The following SRSF11 variants were observed in gnomAD, a reference collection of about 807,000 sequenced individuals.
The protein encoded by SRSF11 is serine and arginine rich splicing factor 11.
In SRSF11, 9 loss-of-function variants were observed where a neutral mutation model predicts 56.0. The observed-to-expected ratio is 0.16, with a 90% confidence interval of 0.10 to 0.28. The LOEUF (loss-of-function observed/expected upper bound fraction) is 0.28, where lower values mean the gene tolerates loss of function less well. Ranked by LOEUF, SRSF11 falls within the 10% of genes least tolerant of loss-of-function variation. The pLI is 1.00. For synonymous variants in SRSF11, 222 were observed against 215.3 expected (o/e 1.03, Z -0.27); for missense variants, 421 against 600.7 (o/e 0.70, Z 3.13).
At chr1:70,206,425 C>T (rs1302799987) in intron 1 of SRSF11, among the ~76,000 whole-genome samples, 2 of 151,812 alleles carry the variant, frequency 1.3e-5, no homozygotes, top group Non-Finnish European at 2.9e-5. Flanking sequence ...AAACTAGAAT[C>T]TTGAGCTCTC....
In SRSF11 at chr1:70,211,171, AT is replaced by A. The variant is rs3835561; in HGVS notation, c.-26+5403del. Among the ~76,000 whole-genome samples, 194 of 146,144 alleles carry A rather than the reference AT, an allele frequency of 1.3e-3. 3 individuals carry two copies. The highest frequency in any genetic ancestry group is 3.5e-3 in the Middle Eastern group (1 of 282). Reference sequence around the variant, plus strand: ...TTGTATTAATTGTATGGATTTTATGATTTTTTTTTTTTGGCTTTAAACTAGT... The same window carrying A: ...TTGTATTAATTGTATGGATTTTATGATTTTTTTTTTTGGCTTTAAACTAGT... On this transcript the variant is annotated intron_variant, in intron 1 of 12. Transcript: ENST00000370950.
intron 1 of SRSF11, among the ~76,000 whole-genome samples, chr1:70,223,056 G>A (rs965028812): frequency 2.0e-5 from 3 of 152,104 alleles, no homozygotes; most frequent in African/African-American, 7.2e-5. Context: ...ACAGATACTT[G>A]ATTTGGTAAT....
intron 10 of SRSF11, 115 bp downstream of exon 10, chr1:70,250,162 T>C (rs1677676358): frequency 1.3e-5 from 16 of 1,259,938 alleles, no homozygotes; most frequent in Non-Finnish European, 1.7e-5. Flanking sequence ...TGTTTTAATG[T>C]ATTCTCCTTC....
chr1:70,247,413 T>G (rs1215960862), intron 9 of SRSF11, among the ~76,000 whole-genome samples: 1 of 152,112 alleles, frequency 6.6e-6, no homozygotes, highest in African/African-American at 2.4e-5. Context: ...TTTTCATACT[T>G]AATTTGGGAT....
At chr1:70,218,555 TAG>T (rs1571607946), upstream of SRSF11, 2 of 152,328 alleles carry the variant, frequency 1.3e-5, no homozygotes, top group South Asian at 2.1e-4. Context: ...CAGAAAAATG[TAG>T]AGTCATATAA....
chr1:70,225,501 G>A (rs547583059), intron 1 of SRSF11, among the ~76,000 whole-genome samples: 120 of 152,242 alleles, frequency 7.9e-4, no homozygotes, highest in Non-Finnish European at 1.6e-3. Context: ...TCTCCACTTA[G>A]CACACTATTA....
chr1:70,235,026 G>A (rs1673640954), intron 4 of SRSF11, among the ~76,000 whole-genome samples: 1 of 152,174 alleles, frequency 6.6e-6, no homozygotes, highest in Non-Finnish European at 1.5e-5. Flanking sequence ...TACATTATCA[G>A]TGTGTCATAG....
intron 2 of SRSF11, chr1:70,229,972 C>T (rs1672547335): frequency 1.0e-6 from 1 of 985,126 alleles, no homozygotes; most frequent in Non-Finnish European, 1.2e-6. Context: ...TAGGATAAGA[C>T]CATCAACAGA....
intron 8 of SRSF11, 71 bp from the exon 9 acceptor site, chr1:70,246,747 G>A: frequency 1.1e-6 from 1 of 876,046 alleles, no homozygotes; most frequent in Admixed American, 2.4e-5. Context: ...ATATTTTTGT[G>A]TTTGTAGTGC....
intron 1 of SRSF11, among the ~76,000 whole-genome samples, chr1:70,223,532 T>C (rs2274913): frequency 0.1 from 15,209 of 152,194 alleles, 909 homozygotes; most frequent in East Asian, 0.3. Context: ...ATCTGGGATA[T>C]TCTGCATTAA....
Position 70,250,815 on chromosome 1 carries a change from C to G in SRSF11, c.*10C>G. 6.2e-7 allele frequency: 1 copy of G among 1,611,286 alleles called. No homozygotes were observed. The highest frequency in any genetic ancestry group is 8.5e-7 in the Non-Finnish European group (1 of 1,177,912). On this transcript the variant is annotated 3_prime_UTR_variant, in exon 12 of 12. Coordinates refer to ENST00000370949, the MANE Select transcript of SRSF11 (RefSeq NM_001350605.2). ...GGATATGAGTGACTGAATATTGCCT[C>G]TGAGGGAGTCCAACTGTATACCTGC...
rs2101055018 is a variant in SRSF11 at position 70,252,131 on chromosome 1, A to G, written c.*1326A>G. On this transcript the variant is annotated 3_prime_UTR_variant, in exon 12 of 12. Coordinates refer to ENST00000370949, the MANE Select transcript of SRSF11 (RefSeq NM_001350605.2). ...TCAGTATAGTAAAAAGAGGAAGTCTATCACTGTAGTGATAATTGCCATCAA... is the reference window on the plus strand; with the variant it reads ...TCAGTATAGTAAAAAGAGGAAGTCTGTCACTGTAGTGATAATTGCCATCAA... The G allele has an allele frequency of 6.6e-6, 1 of 152,668 alleles. No homozygotes were observed. Among genetic ancestry groups the G allele is most frequent in the African/African-American group, 2.4e-5 (1 of 41,586 alleles). 9.5% of individuals were successfully genotyped at this position (152,668 alleles called of 1,614,324 possible).
intron 1 of SRSF11, among the ~76,000 whole-genome samples, chr1:70,210,361 T>A (rs550326145): frequency 6.6e-6 from 1 of 152,242 alleles, no homozygotes; most frequent in South Asian, 2.1e-4. Flanking sequence ...CTCCCCATAT[T>A]GCCCAGACTG....
chr1:70,249,810 T>C, intron 9 of SRSF11, 142 bp from the exon 10 acceptor site: 1 of 807,540 alleles, frequency 1.2e-6, no homozygotes. Flanking sequence ...TCCCCTCACC[T>C]CAGCCTGCCA....
At chr1:70,217,211 T>C (rs1037315473), upstream of SRSF11, among the ~76,000 whole-genome samples, 1 of 152,116 alleles carries the variant, frequency 6.6e-6, no homozygotes, top group African/African-American at 2.4e-5. Flanking sequence ...CAGGCTGGAG[T>C]GCAGTGGTGC....
chr1:70,246,750 T>A, intron 8 of SRSF11, 68 bp from the exon 9 acceptor site: 1 of 922,708 alleles, frequency 1.1e-6, no homozygotes, highest in Non-Finnish European at 1.7e-6. Context: ...TTTTTGTGTT[T>A]GTAGTGCTAT....
At chr1:70,232,504 C>CA in intron 3 of SRSF11, 127 bp downstream of exon 3, 1 of 661,566 alleles carries the variant, frequency 1.5e-6, no homozygotes, top group Non-Finnish European at 2.6e-6. Context: ...ATGTCTATAT[C>CA]AAAATCACAA....
intron 2 of SRSF11, 24 bp downstream of exon 2, chr1:70,228,579 A>T: frequency 6.2e-7 from 1 of 1,605,728 alleles, no homozygotes; most frequent in Admixed American, 1.7e-5. Flanking sequence ...TTAACTACCT[A>T]TGTGGGCATC....
At chr1:70,246,939 T>C in intron 9 of SRSF11, 32 bp downstream of exon 9, 1 of 1,545,922 alleles carries the variant, frequency 6.5e-7, no homozygotes, top group African/African-American at 1.4e-5. Context: ...TTGGCAATTA[T>C]TTTTTTAACT....
Sources: allele counts gnomAD v4.1 joint callset (sites outside exome capture counted in the v4.1 genomes callset), GRCh38; gene constraint gnomAD v4.1.1; transcripts MANE v1.5; gene names NCBI Gene and HGNC (gene_info 2026-07-23, HGNC 2026-07-21).